WWTR1: variants seen among roughly 807,000 people sequenced by gnomAD.
WWTR1 encodes the protein WW domain containing transcription regulator 1, also known as WW domain-containing transcription regulator protein 1.
Under a neutral mutation model 40.1 loss-of-function variants are expected in WWTR1, and 13 were observed. The observed-to-expected ratio is 0.32, with a 90% confidence interval of 0.21 to 0.52. WWTR1 has a LOEUF of 0.52. Among genes scored for constraint, WWTR1 ranks in the 20% least tolerant of loss-of-function variants. The probability of loss-of-function intolerance (pLI) is 0.97; values close to 1 mark genes in which losing one functional copy is unlikely to be tolerated. For missense variants in WWTR1, 436 were observed against 523.1 expected (o/e 0.83, Z 1.63); for synonymous variants, 230 against 210.1 (o/e 1.09, Z -0.82).
upstream of WWTR1, chr3:149,658,236 C>T (rs1360149877): frequency 6.6e-6 from 1 of 152,472 alleles, no homozygotes; most frequent in Non-Finnish European, 1.5e-5. Context: ...GGGTGCCCCC[C>T]ACCCACTCCT....
In WWTR1 at chr3:149,560,426, G is replaced by A. The variant is rs1360042897; in HGVS notation, c.568+12438C>T. Among the ~76,000 whole-genome samples the A allele has an allele frequency of 2.0e-5, 3 of 152,218 alleles. 1 individual carries two copies. The highest frequency in any genetic ancestry group is 2.0e-4 in the Admixed American group (3 of 15,282). ...AGAAATGATATAGGGAAGGTGTCCA[G>A]AAACCTCCAGCATGGAGCCGCCCTG... On this transcript the variant is annotated intron_variant, in intron 3 of 6. Coordinates refer to ENST00000360632, the MANE Select transcript of WWTR1 (RefSeq NM_015472.6).
intron 3 of WWTR1, among the ~76,000 whole-genome samples, chr3:149,571,410 T>C (rs1428514217): frequency 6.6e-6 from 1 of 152,136 alleles, no homozygotes; most frequent in Admixed American, 6.6e-5. Flanking sequence ...TGGCATCTGA[T>C]TTCTACACGA....
intron 2 of WWTR1, among the ~76,000 whole-genome samples, chr3:149,620,201 CT>C (rs1459548542): frequency 6.6e-6 from 1 of 152,192 alleles, no homozygotes; most frequent in African/African-American, 2.4e-5. Flanking sequence ...ACCAGATTGC[CT>C]CCTCCAAAGA....
intron 2 of WWTR1, among the ~76,000 whole-genome samples, chr3:149,622,543 A>AAGAAAGAG (rs372695679): frequency 7.4e-6 from 1 of 135,672 alleles, no homozygotes; most frequent in Non-Finnish European, 1.6e-5. Flanking sequence ...GAAAGAAAGA[A>AAGAAAGAG]AAAGAAAGCA....
chr3:149,713,375 TA>T (rs774199914), intron 5 of WWTR1, among the ~76,000 whole-genome samples: 3 of 150,660 alleles, frequency 2.0e-5, no homozygotes, highest in South Asian at 2.1e-4. Flanking sequence ...TTAATTTATT[TA>T]TTTTTTTTGT....
rs191493450 is a variant in WWTR1 at position 149,723,790 on chromosome 3, A to G, written n.459+290T>C. On this transcript the variant is annotated intron_variant and non_coding_transcript_variant, in intron 4 of 6. Coordinates refer to the WWTR1 transcript ENST00000474080. Reference sequence around the variant, plus strand: ...GACTCGCAACAATGGGGTAAAGTGCAACAACAAAACCTGCTGCTTCTTTGC... The same window carrying G: ...GACTCGCAACAATGGGGTAAAGTGCGACAACAAAACCTGCTGCTTCTTTGC... Among the ~76,000 whole-genome samples, 179 of 152,362 alleles carry G rather than the reference A, an allele frequency of 1.2e-3. 1 individual carries two copies. Among genetic ancestry groups the G allele is most frequent in the Middle Eastern group, 0.01 (3 of 294 alleles).
At chr3:149,600,088 G>A (rs140657931) in intron 2 of WWTR1, among the ~76,000 whole-genome samples, 109 of 152,298 alleles carry the variant, frequency 7.2e-4, no homozygotes, top group African/African-American at 2.5e-3. Flanking sequence ...GAGAGGATGT[G>A]TATAGGCTTT....
chr3:149,657,476 G>A, intron 1 of WWTR1, 167 bp from the exon 2 acceptor site: 1 of 789,926 alleles, frequency 1.3e-6, no homozygotes, highest in Non-Finnish European at 2.0e-6. Context: ...GGTAAGACCA[G>A]CAGGATGGGG....
At chr3:149,594,953 T>C (rs1356806146) in intron 2 of WWTR1, among the ~76,000 whole-genome samples, 32 of 96,144 alleles carry the variant, frequency 3.3e-4, no homozygotes, top group East Asian at 1.9e-3. Context: ...TTTTTTACTT[T>C]TTTTTTTTTT....
rs755442408 is a variant in WWTR1, at chr3:149,543,580, CAAAAAAAAAAAAA to C, written c.569-1056_569-1044del. Among the ~76,000 whole-genome samples, 46 of 31,226 alleles carry C rather than the reference CAAAAAAAAAAAAA, an allele frequency of 1.5e-3. 2 individuals carry two copies. Among genetic ancestry groups the C allele is most frequent in the South Asian group, 2.2e-3 (1 of 464 alleles). The allele number at this position is 31,226 out of a possible 152,430, so 20.5% of individuals were successfully genotyped here. ...CTGGTGACAAAGAAAGACTCTGTCT[CAAAAAAAAAAAAA>C]AAAAAAAAAAGAACTTCACTTTACA... On this transcript the variant is annotated intron_variant, in intron 3 of 6. Transcript: ENST00000360632.
intron 2 of WWTR1, among the ~76,000 whole-genome samples, chr3:149,638,057 T>C (rs1439467046): frequency 2.0e-5 from 3 of 151,822 alleles, no homozygotes; most frequent in Non-Finnish European, 4.4e-5. Flanking sequence ...CTCTACTAAA[T>C]ACAAAAAAAT....
chr3:149,684,434 G>C (rs1476928885), intron 1 of WWTR1, among the ~76,000 whole-genome samples: 1 of 152,064 alleles, frequency 6.6e-6, no homozygotes, highest in Non-Finnish European at 1.5e-5. Flanking sequence ...TCTAAAAATT[G>C]AACTATTCAT....
intron 2 of WWTR1, among the ~76,000 whole-genome samples, chr3:149,640,957 A>G (rs1712138677): frequency 6.6e-6 from 1 of 152,232 alleles, no homozygotes; most frequent in Admixed American, 6.5e-5. Flanking sequence ...AAATTATTTT[A>G]CGTATCAAGT....
chr3:149,653,936 A>G (rs1354387763), intron 2 of WWTR1, among the ~76,000 whole-genome samples: 1 of 152,136 alleles, frequency 6.6e-6, no homozygotes, highest in Non-Finnish European at 1.5e-5. Flanking sequence ...TTTGATTTCC[A>G]ACTTATAAAG....
intron 2 of WWTR1, among the ~76,000 whole-genome samples, chr3:149,621,229 T>C (rs572058161): frequency 6.6e-6 from 1 of 152,224 alleles, no homozygotes; most frequent in Non-Finnish European, 1.5e-5. Context: ...ACAGTCCTTG[T>C]TTTTAAACTT....
rs1713271328 is a variant in WWTR1 at position 149,656,990 on chromosome 3, G to A, written c.317C>T (p.Pro106Leu). 8.8e-6 allele frequency: 14 copies of A among 1,599,688 alleles called. No individual in the cohort carries two copies. Among genetic ancestry groups the A allele is most frequent in the Non-Finnish European group, 1.2e-5 (14 of 1,177,098 alleles). Residue 106 changes from proline to leucine, a missense_variant, in exon 2 of 7, where the codon CCC becomes CTC. Coordinates refer to ENST00000360632, the MANE Select transcript of WWTR1 (RefSeq NM_015472.6). Reference sequence around the variant, plus strand: ...GCGGAGGTGCGCGTGCTGCTGCGCGGGGCTACCCGCAGCACCCGCGCCGGT... The same window carrying A: ...GCGGAGGTGCGCGTGCTGCTGCGCGAGGCTACCCGCAGCACCCGCGCCGGT... ...LGTGAGAAGS[P>L]AQQHAHLRQQ...
chr3:149,722,531 A>C (rs1241853913), intron 4 of WWTR1, among the ~76,000 whole-genome samples: 1 of 151,968 alleles, frequency 6.6e-6, no homozygotes, highest in Non-Finnish European at 1.5e-5. Flanking sequence ...GTTATTTAAG[A>C]GTGTGTTGGT....
chr3:149,660,339 T>G (rs917524147), upstream of WWTR1: 2 of 152,194 alleles, frequency 1.3e-5, no homozygotes, highest in Non-Finnish European at 1.5e-5. Context: ...AGGGTTGGAA[T>G]TAGATGGGCA....
At chr3:149,697,382 T>C (rs548121975) in intron 1 of WWTR1, among the ~76,000 whole-genome samples, 16 of 152,036 alleles carry the variant, frequency 1.1e-4, no homozygotes, top group Non-Finnish European at 1.9e-4. Flanking sequence ...CAGGGGATGA[T>C]GCTAAGCCAT....
Sources: gnomAD v4.1 joint callset for allele counts (sites outside exome capture counted in the v4.1 genomes callset) on GRCh38, gnomAD v4.1.1 for gene constraint, MANE v1.5 for transcripts, NCBI Gene and HGNC (gene_info 2026-07-23, HGNC 2026-07-21) for gene names.